MCF2L2: variants seen among roughly 807,000 people sequenced by gnomAD.
MCF2L2 encodes the protein MCF.2 cell line derived transforming sequence-like 2.
A neutral mutation model predicts 150.2 loss-of-function variants in MCF2L2; 102 were observed. The ratio of observed to expected loss-of-function variants is 0.68; its 90% confidence interval spans 0.58 to 0.80. MCF2L2 has a LOEUF of 0.80. Among genes scored for constraint, MCF2L2 ranks in the 30% least tolerant of loss-of-function variants. MCF2L2 has a pLI of 0.00. For missense variants in MCF2L2, 1,256 were observed against 1,372.8 expected, an observed-to-expected ratio of 0.91 and a Z score of 1.34; for synonymous variants, 465 against 491.3, an observed-to-expected ratio of 0.95 and a Z score of 0.71.
intron 15 of MCF2L2, among the ~76,000 whole-genome samples, chr3:183,237,951 G>A (rs1723816671): frequency 7.8e-6 from 1 of 128,444 alleles, no homozygotes; most frequent in South Asian, 2.8e-4. Context: ...CCTTCATTTC[G>A]TTATGTACCC....
intron 3 of MCF2L2, among the ~76,000 whole-genome samples, chr3:183,364,161 T>C (rs889815250): frequency 6.6e-6 from 1 of 152,178 alleles, no homozygotes; most frequent in Non-Finnish European, 1.5e-5. Flanking sequence ...AAATAAATTA[T>C]TCACTCATAA....
chr3:183,358,625 TTTG>T (rs1337242147), intron 3 of MCF2L2, among the ~76,000 whole-genome samples: 9 of 152,120 alleles, frequency 5.9e-5, no homozygotes, highest in Admixed American at 4.6e-4. Flanking sequence ...CGGAAAATTT[TTTG>T]TTGTTGTTCA....
At chr3:183,258,734 C>CT (rs75257179) in intron 15 of MCF2L2, among the ~76,000 whole-genome samples, 42 of 151,404 alleles carry the variant, frequency 2.8e-4, no homozygotes, top group Admixed American at 6.6e-4. Context: ...CCCATGTACT[C>CT]TTTTTTTTTA....
At chr3:183,264,776 C>G (rs1433440925) in intron 15 of MCF2L2, among the ~76,000 whole-genome samples, 1 of 152,182 alleles carries the variant, frequency 6.6e-6, no homozygotes, top group Non-Finnish European at 1.5e-5. Context: ...AACTTGTAGC[C>G]TTTGGGTGTT....
intron 14 of MCF2L2, among the ~76,000 whole-genome samples, chr3:183,281,987 G>A (rs1416358142): frequency 1.4e-5 from 2 of 145,912 alleles, no homozygotes; most frequent in Non-Finnish European, 3.0e-5. Context: ...TTGCAGCCTC[G>A]AACTCCTGAG....
chr3:183,355,451 CT>C (rs1168575988), intron 3 of MCF2L2, among the ~76,000 whole-genome samples: 217 of 141,252 alleles, frequency 1.5e-3, no homozygotes, highest in Middle Eastern at 3.6e-3. Context: ...AATTCCTTTC[CT>C]TTTTTTTTTT....
chr3:183,204,121 G>A (rs976519183), intron 25 of MCF2L2, among the ~76,000 whole-genome samples: 11 of 152,176 alleles, frequency 7.2e-5, no homozygotes, highest in African/African-American at 2.6e-4. Context: ...AAATTAACTC[G>A]GAATGAGTCA....
Position 183,207,729 on chromosome 3 carries a change from C to A in MCF2L2, c.2591G>T (p.Arg864Leu), listed in dbSNP as rs143903251. The change falls in exon 23 of 30, where the codon CGA becomes CTA. Residue 864 changes from arginine to leucine, a missense_variant. Arg to Leu is a moderately radical substitution (Grantham distance 102). Coordinates refer to ENST00000328913, the MANE Select transcript of MCF2L2 (RefSeq NM_015078.4). ...KDRYKMKDLIRFKPSQRQIYL... is the reference protein window; with the variant it reads ...KDRYKMKDLILFKPSQRQIYL... ...GATTTGCCTCTGGCTGGGTTTAAATCGAATCAAATCCTTCATTTTATAACG... is the reference window on the plus strand; with the variant it reads ...GATTTGCCTCTGGCTGGGTTTAAATAGAATCAAATCCTTCATTTTATAACG... 2.6e-5 allele frequency: 42 copies of A among 1,614,058 alleles called. No homozygotes were observed. The highest frequency in any genetic ancestry group is 3.3e-5 in the Non-Finnish European group (39 of 1,180,026).
intron 17 of MCF2L2, 121 bp from the exon 18 acceptor site, chr3:183,228,487 T>G (rs1723430057): frequency 1.7e-6 from 1 of 573,210 alleles, no homozygotes; most frequent in Non-Finnish European, 3.1e-6. Flanking sequence ...CCAGGCCTTC[T>G]TGCTCTTATC....
rs371609680 is a variant in MCF2L2 at position 183,410,238 on chromosome 3, T to A, written c.76+17664A>T. On this transcript the variant is annotated intron_variant, in intron 1 of 29. Transcript: ENST00000328913. ...TGAAGCTTTTTCCAGTCACTGAAGC[T>A]CACAATAACTTCAGCCTCCAAACTC... 3.9e-4 allele frequency among the ~76,000 whole-genome samples: 59 copies of A among 152,314 alleles called. 1 individual carries two copies. The South Asian group carries it at 0.012, about 30-fold the overall frequency.
At chr3:183,226,101 A>G (rs901114576) in intron 18 of MCF2L2, 1 of 152,214 alleles carries the variant, frequency 6.6e-6, no homozygotes, top group African/African-American at 2.4e-5. Flanking sequence ...ATATTATTCT[A>G]TATAGAACAT....
At chr3:183,277,826 T>C (rs867668025) in intron 14 of MCF2L2, among the ~76,000 whole-genome samples, 1 of 151,536 alleles carries the variant, frequency 6.6e-6, no homozygotes, top group Non-Finnish European at 1.5e-5. Context: ...AATAAGAATC[T>C]AAATTTTAGT....
At chr3:183,191,369 T>TC (rs1304062241) in intron 27 of MCF2L2, among the ~76,000 whole-genome samples, 2 of 152,210 alleles carry the variant, frequency 1.3e-5, no homozygotes, top group Non-Finnish European at 2.9e-5. Flanking sequence ...GTAGCTCACA[T>TC]CATGGTTCAC....
chr3:183,290,732 C>T (rs1428460370), intron 13 of MCF2L2, among the ~76,000 whole-genome samples: 1 of 152,102 alleles, frequency 6.6e-6, no homozygotes, highest in Non-Finnish European at 1.5e-5. Flanking sequence ...CGGAGTTTTA[C>T]CACGTTGGAC....
intron 5 of MCF2L2, among the ~76,000 whole-genome samples, chr3:183,333,653 A>G (rs1362224298): frequency 6.6e-6 from 1 of 152,172 alleles, no homozygotes; most frequent in Non-Finnish European, 1.5e-5. Context: ...TTAAATATAC[A>G]TCTTACATGG....
chr3:183,353,920 CT>C (rs913500794), intron 3 of MCF2L2, among the ~76,000 whole-genome samples: 2 of 151,540 alleles, frequency 1.3e-5, no homozygotes, highest in African/African-American at 4.8e-5. Flanking sequence ...TCTCACCACA[CT>C]TTTTTTTTAA....
chr3:183,336,535 T>C (rs1730488130), intron 5 of MCF2L2, among the ~76,000 whole-genome samples: 1 of 152,112 alleles, frequency 6.6e-6, no homozygotes, highest in Non-Finnish European at 1.5e-5. Context: ...TATATAGACA[T>C]GTAACACCAC....
At chr3:183,223,487 C>T in intron 19 of MCF2L2, 49 bp from the exon 20 acceptor site, 1 of 1,409,530 alleles carries the variant, frequency 7.1e-7, no homozygotes, top group Non-Finnish European at 1.0e-6. Context: ...ACAACACACA[C>T]AGAATAAAAG....
At position 183,229,794 on chromosome 3, in the gene MCF2L2, A is replaced by G. The variant is rs1221229175; in HGVS notation, c.1930-13T>C. ...GAGTGATATATCCCTGCAGAGGTGC[A>G]AACAAGGTAGGTGTTACAAACAGGA... On this transcript the variant is annotated splice_polypyrimidine_tract_variant and intron_variant, in intron 16 of 29. Coordinates refer to ENST00000328913, the MANE Select transcript of MCF2L2 (RefSeq NM_015078.4). 2.5e-6 allele frequency: 3 copies of G among 1,217,828 alleles called. No individual in the cohort carries two copies. Among genetic ancestry groups the G allele is most frequent in the Non-Finnish European group, 2.4e-6 (2 of 833,480 alleles). 75.4% of individuals were successfully genotyped at this position (1,217,828 alleles called of 1,614,324 possible).
Sources: allele counts gnomAD v4.1 joint callset (sites outside exome capture counted in the v4.1 genomes callset), GRCh38; gene constraint gnomAD v4.1.1; transcripts MANE v1.5; gene names NCBI Gene and HGNC (gene_info 2026-07-23, HGNC 2026-07-21).